The following SNX29 variants were observed in gnomAD, a reference collection of about 807,000 sequenced individuals.
The protein encoded by SNX29 is sorting nexin 29.
In SNX29, 78 loss-of-function variants were observed where a neutral mutation model predicts 102.1. That is an observed-to-expected ratio of 0.76 (90% CI 0.64 to 0.92). The LOEUF is 0.92. SNX29 is among the 40% of genes least tolerant of loss of function. The pLI is 0.00. For synonymous variants in SNX29, 580 were observed against 414.5 expected, an observed-to-expected ratio of 1.40 and a Z score of -4.85; for missense variants, 1,280 against 1,061.7, an observed-to-expected ratio of 1.21 and a Z score of -2.86.
chr16:12,412,461 C>T (rs57640286), intron 18 of SNX29, among the ~76,000 whole-genome samples: 14,280 of 152,242 alleles, frequency 0.094, 1,086 homozygotes, highest in African/African-American at 0.2. Context: ...ATTGTCACAG[C>T]TGCCGTGGGC....
intron 15 of SNX29, among the ~76,000 whole-genome samples, chr16:12,284,329 C>G (rs531458888): frequency 1.3e-5 from 2 of 152,248 alleles, no homozygotes; most frequent in African/African-American, 2.4e-5. Flanking sequence ...TGCAGCCAGT[C>G]ATACCTGTGA....
chr16:11,992,790 C>T (rs1272552576), intron 1 of SNX29, among the ~76,000 whole-genome samples: 6 of 152,170 alleles, frequency 3.9e-5, no homozygotes, highest in South Asian at 2.1e-4. Context: ...TAATGTGTTA[C>T]AAGGATCTCA....
intron 14 of SNX29, among the ~76,000 whole-genome samples, chr16:12,269,840 T>C (rs567105526): frequency 7.6e-5 from 8 of 104,950 alleles, no homozygotes; most frequent in East Asian, 4.8e-4. Flanking sequence ...ATCATCACCA[T>C]CATCATCATC....
chr16:12,089,739 C>A (rs1396936928), intron 11 of SNX29: 2 of 276,648 alleles, frequency 7.2e-6, no homozygotes, highest in South Asian at 5.8e-5. Flanking sequence ...CAGTGGAGGA[C>A]TTGAAGCAGG....
In SNX29 at chr16:12,325,473, T is replaced by G. The variant is rs565035128; in HGVS notation, c.1783-30690T>G. Among the ~76,000 whole-genome samples, 126 of 152,296 alleles carry G rather than the reference T, an allele frequency of 8.3e-4. 1 individual carries two copies. The highest frequency in any genetic ancestry group is 2.8e-3 in the African/African-American group (117 of 41,572). Reference sequence around the variant, plus strand: ...AACAATAATGGGAAAAAACTACATTTAAGTAATATTAAGGTTGTGACAAGC... The same window carrying G: ...AACAATAATGGGAAAAAACTACATTGAAGTAATATTAAGGTTGTGACAAGC... On this transcript the variant is annotated intron_variant, in intron 15 of 20. Coordinates refer to ENST00000566228, the MANE Select transcript of SNX29 (RefSeq NM_032167.5).
Position 12,557,020 on chromosome 16 carries a change from C to CA in SNX29, c.2319-11486_2319-11485insA, listed in dbSNP as rs2078407409. ...ACACCACATCTGGCTAATTTACCCC[C>CA]CCCCCGCCCCAAGATGAGGTCTTGC... On this transcript the variant is annotated intron_variant, in intron 20 of 20. Coordinates refer to ENST00000566228, the MANE Select transcript of SNX29 (RefSeq NM_032167.5). Among the ~76,000 whole-genome samples, 21 of 37,310 alleles carry CA rather than the reference C, an allele frequency of 5.6e-4. 1 individual carries two copies. The highest frequency in any genetic ancestry group is 1.8e-3 in the African/African-American group (21 of 11,954). The allele number at this position is 37,310 out of a possible 152,430, so 24.5% of individuals were successfully genotyped here.
At chr16:12,452,215 C>A (rs1430385428) in intron 18 of SNX29, among the ~76,000 whole-genome samples, 3 of 152,182 alleles carry the variant, frequency 2.0e-5, no homozygotes, top group African/African-American at 7.2e-5. Context: ...TGATTCTTGG[C>A]CAGGGGTGGT....
At chr16:12,027,944 ATG>A (rs1314678344) in intron 4 of SNX29, among the ~76,000 whole-genome samples, 1 of 152,216 alleles carries the variant, frequency 6.6e-6, no homozygotes. Context: ...TTGCACTTTG[ATG>A]TAAATTAACT....
At chr16:12,073,588 C>G (rs2051404196) in intron 10 of SNX29, among the ~76,000 whole-genome samples, 1 of 152,088 alleles carries the variant, frequency 6.6e-6, no homozygotes, top group South Asian at 2.1e-4. Context: ...TTACTTCCAA[C>G]TATGTGGTCA....
chr16:12,403,220 G>C (rs973537901), intron 17 of SNX29, among the ~76,000 whole-genome samples: 1 of 147,750 alleles, frequency 6.8e-6, no homozygotes, highest in African/African-American at 2.5e-5. Context: ...GTGTGTGTGT[G>C]TGTGTGTGTG....
intron 11 of SNX29, among the ~76,000 whole-genome samples, chr16:12,116,888 G>A (rs1311820392): frequency 2.6e-5 from 4 of 152,156 alleles, no homozygotes; most frequent in Admixed American, 2.0e-4. Context: ...CTGCTTCAAC[G>A]CGGACGAACC....
chr16:11,983,718 A>G (rs956868727), intron 1 of SNX29: 10 of 985,122 alleles, frequency 1.0e-5, no homozygotes, highest in Non-Finnish European at 1.2e-5. Flanking sequence ...CAGGTAACTG[A>G]TAGGAACTCA....
At chr16:12,542,536 T>G (rs1380457757) in intron 20 of SNX29, among the ~76,000 whole-genome samples, 3 of 152,208 alleles carry the variant, frequency 2.0e-5, no homozygotes, top group African/African-American at 7.2e-5. Context: ...TTCACCACGT[T>G]GGCCAGGCTG....
chr16:12,369,054 C>G (rs1343248282), intron 16 of SNX29, among the ~76,000 whole-genome samples: 2 of 152,152 alleles, frequency 1.3e-5, no homozygotes, highest in Admixed American at 6.5e-5. Context: ...TGCCCCCAGA[C>G]TCCACTCACC....
At chr16:12,435,762 C>G (rs917324810) in intron 18 of SNX29, among the ~76,000 whole-genome samples, 1 of 152,188 alleles carries the variant, frequency 6.6e-6, no homozygotes, top group Non-Finnish European at 1.5e-5. Context: ...TCCTGGGTCT[C>G]CTTGCAGCAG....
chr16:12,553,055 G>A (rs759642050), intron 20 of SNX29, among the ~76,000 whole-genome samples: 5 of 152,246 alleles, frequency 3.3e-5, no homozygotes, highest in African/African-American at 7.2e-5. Context: ...ATTGGAGATG[G>A]TAACTGCAAA....
At chr16:12,293,318 AG>A (rs2079864233) in intron 15 of SNX29, among the ~76,000 whole-genome samples, 1 of 152,226 alleles carries the variant, frequency 6.6e-6, no homozygotes. Context: ...AGGCTCAGAA[AG>A]GTTGAGTAGA....
intron 14 of SNX29, among the ~76,000 whole-genome samples, chr16:12,217,719 G>A (rs1219339931): frequency 6.6e-6 from 1 of 152,162 alleles, no homozygotes; most frequent in East Asian, 1.9e-4. Flanking sequence ...ATGGGCATAT[G>A]TGCTGTTTAT....
At chr16:12,515,937 C>T (rs1597694344) in intron 19 of SNX29, among the ~76,000 whole-genome samples, 1 of 152,102 alleles carries the variant, frequency 6.6e-6, no homozygotes. Context: ...GCAGATCAGG[C>T]AGCCCCTCCT....
Sources: gnomAD v4.1 joint callset for allele counts (sites outside exome capture counted in the v4.1 genomes callset) on GRCh38, gnomAD v4.1.1 for gene constraint, MANE v1.5 for transcripts, NCBI Gene and HGNC (gene_info 2026-07-23, HGNC 2026-07-21) for gene names.